The following WDR7 variants were observed in gnomAD, a reference collection of about 807,000 sequenced individuals.
WDR7 encodes the protein WD repeat domain 7.
A neutral mutation model predicts 169.4 loss-of-function variants in WDR7; 46 were observed. That is an observed-to-expected ratio of 0.27 (90% CI 0.21 to 0.35). WDR7 has a LOEUF of 0.35. WDR7 is among the 10% of genes least tolerant of loss of function. The probability of loss-of-function intolerance (pLI) is 1.00; values close to 1 mark genes in which losing one functional copy is unlikely to be tolerated. For synonymous variants in WDR7, 612 were observed against 666.8 expected (o/e 0.92, Z 1.27); for missense variants, 1,534 against 1,859.3 (o/e 0.83, Z 3.22).
chr18:56,955,328 G>T (rs1157326863), intron 25 of WDR7, among the ~76,000 whole-genome samples: 2 of 152,008 alleles, frequency 1.3e-5, no homozygotes, highest in Non-Finnish European at 2.9e-5. Context: ...CAAAAAACTT[G>T]ACCTTCCAGC....
intron 6 of WDR7, among the ~76,000 whole-genome samples, chr18:56,686,538 G>T (rs1220438650): frequency 6.6e-6 from 1 of 151,764 alleles, no homozygotes; most frequent in Non-Finnish European, 1.5e-5. Context: ...GGAATTAATT[G>T]GATTTTTTAA....
At chr18:56,787,718 C>A (rs1287905872) in intron 19 of WDR7, among the ~76,000 whole-genome samples, 1 of 152,076 alleles carries the variant, frequency 6.6e-6, no homozygotes, top group Admixed American at 6.6e-5. Flanking sequence ...CCTATTTTAA[C>A]CTGGAATTGA....
At chr18:56,968,811 A>G (rs1027765924) in intron 26 of WDR7, among the ~76,000 whole-genome samples, 44 of 152,144 alleles carry the variant, frequency 2.9e-4, no homozygotes, top group African/African-American at 8.4e-4. Flanking sequence ...CTCAAATTCT[A>G]TCTTCCCTTA....
chr18:56,868,026 A>G (rs902366884), intron 20 of WDR7, among the ~76,000 whole-genome samples: 1 of 152,128 alleles, frequency 6.6e-6, no homozygotes, highest in African/African-American at 2.4e-5. Context: ...AAATTTGCCA[A>G]ATAACAACTA....
At chr18:56,736,779 G>A (rs1011685046) in intron 14 of WDR7, among the ~76,000 whole-genome samples, 3 of 151,924 alleles carry the variant, frequency 2.0e-5, no homozygotes, top group African/African-American at 7.3e-5. Flanking sequence ...GAAGAAATTA[G>A]CTTTTGATGG....
intron 14 of WDR7, among the ~76,000 whole-genome samples, chr18:56,749,416 T>TGTG (rs2144898215): frequency 7.0e-6 from 1 of 143,754 alleles, no homozygotes; most frequent in South Asian, 2.2e-4. Flanking sequence ...GTGTGTGTGT[T>TGTG]AGATTTGTAA....
chr18:56,963,343 C>T (rs1465938890), intron 26 of WDR7, among the ~76,000 whole-genome samples: 1 of 152,014 alleles, frequency 6.6e-6, no homozygotes, highest in African/African-American at 2.4e-5. Context: ...TGGATATATT[C>T]CATATTATCG....
intron 9 of WDR7, among the ~76,000 whole-genome samples, chr18:56,693,098 C>G (rs774958770): frequency 1.3e-5 from 2 of 152,092 alleles, no homozygotes; most frequent in Non-Finnish European, 2.9e-5. Flanking sequence ...TAAAGTCAAA[C>G]GATTGGTTAT....
intron 26 of WDR7, among the ~76,000 whole-genome samples, chr18:57,001,899 T>C (rs2047986468): frequency 6.6e-6 from 1 of 152,194 alleles, no homozygotes; most frequent in African/African-American, 2.4e-5. Flanking sequence ...TTTCTGGATA[T>C]AGAATACCAA....
intron 1 of WDR7, among the ~76,000 whole-genome samples, chr18:56,653,052 TGA>T (rs1451655127): frequency 6.6e-6 from 1 of 152,174 alleles, no homozygotes; most frequent in African/African-American, 2.4e-5. Flanking sequence ...GTTTTCTTCG[TGA>T]GAGGGGTAGG....
At chr18:56,825,958 C>T (rs1249631362) in intron 20 of WDR7, among the ~76,000 whole-genome samples, 4 of 144,826 alleles carry the variant, frequency 2.8e-5, no homozygotes, top group Admixed American at 2.1e-4. Flanking sequence ...TTTTGAGTTT[C>T]GCATTAACTA....
intron 21 of WDR7, among the ~76,000 whole-genome samples, chr18:56,923,155 G>A (rs1167746318): frequency 2.6e-5 from 4 of 152,134 alleles, no homozygotes; most frequent in East Asian, 1.9e-4. Context: ...TTGGCTTTTC[G>A]TAACCCCTGC....
chr18:56,663,505 G>A (rs1415694423), intron 1 of WDR7, among the ~76,000 whole-genome samples: 1 of 151,944 alleles, frequency 6.6e-6, no homozygotes, highest in Non-Finnish European at 1.5e-5. Context: ...AAGCATTTAG[G>A]GGTGAATCAT....
At chr18:56,709,960 A>G (rs1204845460) in intron 12 of WDR7, among the ~76,000 whole-genome samples, 1 of 149,338 alleles carries the variant, frequency 6.7e-6, no homozygotes, top group Non-Finnish European at 1.5e-5. Context: ...GTCACCTGTT[A>G]TTCTTCTACA....
intron 21 of WDR7, among the ~76,000 whole-genome samples, chr18:56,923,011 G>A (rs759061662): frequency 2.6e-5 from 4 of 152,134 alleles, no homozygotes; most frequent in African/African-American, 4.8e-5. Flanking sequence ...TTATGGAACC[G>A]TGGTTAATTC....
intron 21 of WDR7, among the ~76,000 whole-genome samples, chr18:56,901,938 G>A (rs1323849666): frequency 1.3e-5 from 2 of 152,108 alleles, no homozygotes; most frequent in African/African-American, 4.8e-5. Flanking sequence ...GTGTCTTTGT[G>A]TTCATGGTTT....
rs1451163175 is a variant in WDR7 at position 56,776,786 on chromosome 18, T to C, written c.2853T>C (p.Ala951=). The change falls in exon 17 of 28, where the codon GCT becomes GCC. Residue 951 remains alanine (A), a synonymous_variant. Transcript: ENST00000254442. ...NIVQGQIKQV[A]APVVSARSDA... Reference sequence around the variant, plus strand: ...TCTTCTCTTTTCCTCTGCAAGTTGCTGCACCTGTCGTTTCCGCTCGGTCTG... The same window carrying C: ...TCTTCTCTTTTCCTCTGCAAGTTGCCGCACCTGTCGTTTCCGCTCGGTCTG... The C allele has an allele frequency of 3.1e-6, 5 of 1,613,842 alleles. No homozygotes were observed. Among genetic ancestry groups the C allele is most frequent in the Non-Finnish European group, 4.2e-6 (5 of 1,179,858 alleles).
chr18:56,732,868 A>G (rs949288612), intron 14 of WDR7, among the ~76,000 whole-genome samples: 5 of 152,218 alleles, frequency 3.3e-5, no homozygotes, highest in African/African-American at 1.2e-4. Context: ...CAAATTTATA[A>G]AACAATATGT....
chr18:56,999,678 T>G (rs2047947228), intron 26 of WDR7, among the ~76,000 whole-genome samples: 1 of 151,930 alleles, frequency 6.6e-6, no homozygotes, highest in African/African-American at 2.4e-5. Context: ...AGAAAACAAC[T>G]AAGGAAAAAT....
Sources: allele counts gnomAD v4.1 joint callset (sites outside exome capture counted in the v4.1 genomes callset), GRCh38; gene constraint gnomAD v4.1.1; transcripts MANE v1.5; gene names NCBI Gene and HGNC (gene_info 2026-07-23, HGNC 2026-07-21).